The following MAF variants were observed in gnomAD, a reference collection of about 807,000 sequenced individuals.
The protein encoded by MAF is MAF bZIP transcription factor.
A neutral mutation model predicts 22.0 loss-of-function variants in MAF; 10 were observed. The ratio of observed to expected loss-of-function variants is 0.45; its 90% CI spans 0.28 to 0.77. The LOEUF (loss-of-function observed/expected upper bound fraction) is 0.77, where lower values mean the gene tolerates loss of function less well. MAF is among the 30% of genes least tolerant of loss of function. The pLI is 0.12. For synonymous variants in MAF, 337 were observed against 255.8 expected, an observed-to-expected ratio of 1.32 and a Z score of -3.03; for missense variants, 544 against 548.4, an observed-to-expected ratio of 0.99 and a Z score of 0.08.
At chr16:79,382,626 T>A in the MAF span, among the ~76,000 whole-genome samples, 1 of 152,228 alleles carries the variant, frequency 6.6e-6, no homozygotes. Flanking sequence ...GGTAATATTG[T>A]TTTTTAAAAT....
At chr16:79,458,142 G>GTGTGTGTGTGTGTA in the MAF span, among the ~76,000 whole-genome samples, 101 of 150,888 alleles carry the variant, frequency 6.7e-4, no homozygotes, top group Admixed American at 3.3e-3. Flanking sequence ...GTGTGTGTGT[G>GTGTGTGTGTGTGTA]TGTGTCTTTG....
At chr16:79,561,327 T>A in the MAF span, among the ~76,000 whole-genome samples, 7 of 149,950 alleles carry the variant, frequency 4.7e-5, no homozygotes, top group South Asian at 2.1e-4. Flanking sequence ...TTTTTTTTTT[T>A]ATATATACTT....
chr16:79,586,126 T>A (rs1013170160), intron 1 of MAF, among the ~76,000 whole-genome samples: 2 of 151,944 alleles, frequency 1.3e-5, no homozygotes, highest in African/African-American at 4.8e-5. Context: ...AGAGGAGGGG[T>A]TGACGTGGAA....
chr16:79,533,379 A>G, the MAF span, among the ~76,000 whole-genome samples: 1 of 152,218 alleles, frequency 6.6e-6, no homozygotes, highest in African/African-American at 2.4e-5. Flanking sequence ...CAAAAATAGA[A>G]AGGTAAATTC....
At chr16:79,417,609 G>A in the MAF span, among the ~76,000 whole-genome samples, 1 of 152,100 alleles carries the variant, frequency 6.6e-6, no homozygotes, top group African/African-American at 2.4e-5. Context: ...CAGAGGTTTG[G>A]AGGCGGGGGT....
chr16:79,540,586 C>CAACT, the MAF span, among the ~76,000 whole-genome samples: 2 of 152,334 alleles, frequency 1.3e-5, no homozygotes, highest in South Asian at 4.1e-4. Flanking sequence ...TTGGCATGGT[C>CAACT]AACTGGCTAG....
At chr16:79,335,374 T>A in the MAF span, among the ~76,000 whole-genome samples, 1 of 152,136 alleles carries the variant, frequency 6.6e-6, no homozygotes, top group Non-Finnish European at 1.5e-5. Flanking sequence ...GCAGAGAGCT[T>A]GTTAAACTGG....
chr16:79,386,396 G>A, the MAF span, among the ~76,000 whole-genome samples: 3 of 152,148 alleles, frequency 2.0e-5, no homozygotes, highest in Non-Finnish European at 4.4e-5. Flanking sequence ...CAGATGTGCA[G>A]TTCGCAATAG....
chr16:79,348,940 G>C, the MAF span, among the ~76,000 whole-genome samples: 1 of 152,172 alleles, frequency 6.6e-6, no homozygotes, highest in South Asian at 2.1e-4. Context: ...ATCTGGTGAA[G>C]TTGATTCTAC....
chr16:79,216,741 C>G, the MAF span, among the ~76,000 whole-genome samples: 5 of 151,962 alleles, frequency 3.3e-5, no homozygotes, highest in East Asian at 1.9e-4. Context: ...AGTTGAGGAG[C>G]CTCTGTGTAC....
At chr16:79,220,893 T>G in the MAF span, among the ~76,000 whole-genome samples, 1 of 152,218 alleles carries the variant, frequency 6.6e-6, no homozygotes, top group Admixed American at 6.5e-5. Flanking sequence ...CTGTCTGGCA[T>G]GCAGCACTGT....
the MAF span, among the ~76,000 whole-genome samples, chr16:79,539,399 G>T: frequency 1.3e-5 from 2 of 152,128 alleles, no homozygotes; most frequent in East Asian, 1.9e-4. Context: ...ACTACTAGAG[G>T]GGGCTGAGGC....
the MAF span, chr16:79,206,420 C>T: frequency 3.3e-5 from 5 of 152,312 alleles, no homozygotes; most frequent in East Asian, 3.9e-4. Flanking sequence ...GGACGAGTTG[C>T]TTTTGATCTC....
chr16:79,310,156 A>G, the MAF span, among the ~76,000 whole-genome samples: 1 of 152,250 alleles, frequency 6.6e-6, no homozygotes, highest in Non-Finnish European at 1.5e-5. Flanking sequence ...TCTTAGTGTC[A>G]TTGGCACAAG....
At chr16:79,363,058 G>C in the MAF span, among the ~76,000 whole-genome samples, 1 of 152,198 alleles carries the variant, frequency 6.6e-6, no homozygotes, top group South Asian at 2.1e-4. Context: ...TTTATCACCT[G>C]ATATGGGTCC....
downstream of MAF, chr16:79,593,774 G>C (rs894427416): frequency 1.2e-4 from 9 of 77,538 alleles, no homozygotes; most frequent in African/African-American, 4.4e-4. Context: ...TGTAAAGGAG[G>C]TGATTTTTTT....
the MAF span, among the ~76,000 whole-genome samples, chr16:79,208,423 G>A: frequency 6.6e-6 from 1 of 152,010 alleles, no homozygotes; most frequent in East Asian, 1.9e-4. Flanking sequence ...GCTCCAGCCA[G>A]TGTTTGTATG....
At chr16:79,484,690 G>T in the MAF span, among the ~76,000 whole-genome samples, 1 of 152,330 alleles carries the variant, frequency 6.6e-6, no homozygotes, top group East Asian at 1.9e-4. Flanking sequence ...TCTCACAAAA[G>T]GGCCAGGGTG....
the MAF span, among the ~76,000 whole-genome samples, chr16:79,492,404 G>A: frequency 6.6e-6 from 1 of 151,970 alleles, no homozygotes; most frequent in Non-Finnish European, 1.5e-5. Context: ...AAGAAAGACC[G>A]GATCTGACCC....
Sources: allele counts gnomAD v4.1 joint callset (sites outside exome capture counted in the v4.1 genomes callset), GRCh38; gene constraint gnomAD v4.1.1; transcripts MANE v1.5; gene names NCBI Gene and HGNC (gene_info 2026-07-23, HGNC 2026-07-21).